HCN2: variants seen among roughly 807,000 people sequenced by gnomAD.
HCN2 encodes hyperpolarization activated cyclic nucleotide gated potassium and sodium channel 2, also known as potassium/sodium hyperpolarization-activated cyclic nucleotide-gated channel 2.
Under a neutral mutation model 52.3 loss-of-function variants are expected in HCN2, and 20 were observed. The observed-to-expected ratio is 0.38, with a 90% CI of 0.27 to 0.56. The LOEUF is 0.56. Ranked by LOEUF, HCN2 falls within the 20% of genes least tolerant of loss-of-function variation. The probability of loss-of-function intolerance (pLI) is 0.71; values close to 1 mark genes in which losing one functional copy is unlikely to be tolerated. For missense variants in HCN2, 981 were observed against 1,207.7 expected (o/e 0.81, Z 2.78); for synonymous variants, 694 against 537.0 (o/e 1.29, Z -4.04).
In HCN2 at chr19:614,022, C is replaced by A. The variant is rs1264405890; in HGVS notation, c.1990+6C>A. ...CGACCGCCTGGACCGCATCGGTGAG[C>A]GGGCCGGGGGCGTGGCCGGGGCGGG... is the stretch of plus-strand genomic sequence containing the variant. On this transcript the variant is annotated splice_donor_region_variant and intron_variant, in intron 7 of 7. Transcript: ENST00000251287. 4.6e-6 allele frequency: 6 copies of A among 1,299,470 alleles called. No homozygotes were observed. Among genetic ancestry groups the A allele is most frequent in the South Asian group, 1.4e-5 (1 of 73,024 alleles). The allele number at this position is 1,299,470 out of a possible 1,614,324, so 80.5% of individuals were successfully genotyped here. A position where few individuals can be genotyped will look rare whatever the true frequency, so the allele number is the denominator to read the frequency against.
intron 1 of HCN2, among the ~76,000 whole-genome samples, chr19:597,789 G>GT (rs532213179): frequency 1.4e-5 from 2 of 146,398 alleles, no homozygotes; most frequent in African/African-American, 2.6e-5. Context: ...TGGTTTCTAG[G>GT]CCCTCCTGGT....
Position 615,938 on chromosome 19 carries a change from G to A in HCN2, c.2134G>A (p.Gly712Ser). ...GCAGGCCGAGCTGGGTCAGCGCGTG[G>A]GCCTCTTCCCGCCGCCGCCGCCGCC... ...VQQAELGQRV[G>S]LFPPPPPPPQ... Residue 712 changes from glycine (G) to serine (S), a missense_variant, in exon 8 of 8, where the codon GGC (glycine) becomes AGC (serine). Gly to Ser is a moderately conservative substitution (Grantham distance 56). This residue lies in a region of HCN2 where 368 missense variants were observed against 314.8 expected (regional missense o/e 1.17). Transcript: ENST00000251287. 6 of 1,609,464 alleles carry A rather than the reference G, an allele frequency of 3.7e-6. No homozygotes were observed. The highest frequency in any genetic ancestry group is 5.1e-6 in the Non-Finnish European group (6 of 1,179,020).
Position 610,355 on chromosome 19 carries a change from A to G in HCN2, c.1534A>G (p.Met512Val). ...CTATGAGCACCGTTACCAGGGCAAG[A>G]TGTTTGACGAGGACAGCATCCTGGG... is the stretch of plus-strand genomic sequence containing the variant. ...DYYEHRYQGK[M>V]FDEDSILGEL... The change falls in exon 5 of 8, where the codon ATG (methionine) becomes GTG (valine). Residue 512 changes from methionine to valine, a missense_variant. Coordinates refer to ENST00000251287, the MANE Select transcript of HCN2 (RefSeq NM_001194.4). The G allele has an allele frequency of 6.2e-7, 1 of 1,613,734 alleles. No individual in the cohort carries two copies. Among genetic ancestry groups the G allele is most frequent in the East Asian group, 2.2e-5 (1 of 44,854 alleles).
intron 5 of HCN2, among the ~76,000 whole-genome samples, chr19:611,091 C>T (rs543356492): frequency 1.1e-4 from 17 of 149,504 alleles, no homozygotes; most frequent in South Asian, 4.1e-4. Context: ...AGGGCCCACC[C>T]GGTTCCTCGT....
chr19:599,847 C>CGTGTGTGTGTGTGTGT (rs34793549), intron 1 of HCN2, among the ~76,000 whole-genome samples: 42 of 133,404 alleles, frequency 3.1e-4, no homozygotes, highest in Non-Finnish European at 3.3e-4. Flanking sequence ...GAAGGGGTCC[C>CGTGTGTGTGTGTGTGT]GTGTGTGTGT....
At chr19:594,768 G>A (rs1982973240) in intron 1 of HCN2, among the ~76,000 whole-genome samples, 1 of 152,290 alleles carries the variant, frequency 6.6e-6, no homozygotes, top group East Asian at 1.9e-4. Flanking sequence ...CCCAGCGTGT[G>A]CAGGATGGTG....
At position 616,939 on chromosome 19, in the gene HCN2, G is replaced by T; in HGVS notation, c.*465G>T. ...AATAACCGGCCCGGCCCCCGTCCGC[G>T]CGCGTCCCCCGGTGACCTCGGGGAG... On this transcript the variant is annotated 3_prime_UTR_variant, in exon 8 of 8. Coordinates refer to ENST00000251287, the MANE Select transcript of HCN2 (RefSeq NM_001194.4). 5.3e-6 allele frequency: 2 copies of T among 379,102 alleles called. No homozygotes were observed. The highest frequency in any genetic ancestry group is 4.9e-5 in the South Asian group (2 of 40,744). The allele number at this position is 379,102 out of a possible 1,614,324, so 23.5% of individuals were successfully genotyped here.
At chr19:614,677 G>A (rs1453890636) in intron 7 of HCN2, among the ~76,000 whole-genome samples, 1 of 152,142 alleles carries the variant, frequency 6.6e-6, no homozygotes, top group Non-Finnish European at 1.5e-5. Flanking sequence ...GGGCCCAGTG[G>A]GCGGCAGGGA....
chr19:604,306 A>G (rs1346685204), intron 2 of HCN2, among the ~76,000 whole-genome samples: 2 of 110,988 alleles, frequency 1.8e-5, no homozygotes, highest in Non-Finnish European at 1.9e-5. Flanking sequence ...GGGCTATGAG[A>G]GATCTGGGTG....
rs1983994847 is a variant in HCN2, at chr19:617,045, C to T, written c.*571C>T. On this transcript the variant is annotated 3_prime_UTR_variant, in exon 8 of 8. Transcript: ENST00000251287. Reference sequence around the variant, plus strand: ...GCGCGGGGGGGAGGCTGGGGTCCCGCCGCCGTGATGAATGTACTGACGAGC... The same window carrying T: ...GCGCGGGGGGGAGGCTGGGGTCCCGTCGCCGTGATGAATGTACTGACGAGC... 3 of 547,264 alleles carry T rather than the reference C, an allele frequency of 5.5e-6. No individual in the cohort carries two copies. The highest frequency in any genetic ancestry group is 9.9e-6 in the Non-Finnish European group (3 of 302,206). 33.9% of individuals were successfully genotyped at this position (547,264 alleles called of 1,614,324 possible). A position where few individuals can be genotyped will look rare whatever the true frequency, so the allele number is the denominator to read the frequency against.
At chr19:612,724 C>T (rs1240079563) in intron 5 of HCN2, among the ~76,000 whole-genome samples, 2 of 140,698 alleles carry the variant, frequency 1.4e-5, no homozygotes, top group Admixed American at 7.2e-5. Context: ...CTTATTTTTC[C>T]CCCATTTTCT....
intron 1 of HCN2, among the ~76,000 whole-genome samples, chr19:602,495 C>A (rs1983239495): frequency 6.6e-6 from 1 of 152,190 alleles, no homozygotes; most frequent in Admixed American, 6.5e-5. Context: ...CTTCCTGTGG[C>A]CCCTGTGGAG....
intron 1 of HCN2, among the ~76,000 whole-genome samples, chr19:601,345 C>T (rs1260867837): frequency 6.6e-6 from 1 of 152,288 alleles, no homozygotes; most frequent in Non-Finnish European, 1.5e-5. Flanking sequence ...TCTCACTGAA[C>T]GTGACGTCCT....
At position 616,477 on chromosome 19, in the gene HCN2, C is replaced by T; in HGVS notation, c.*3C>T. 1 of 1,221,758 alleles carries T rather than the reference C, an allele frequency of 8.2e-7. No homozygotes were observed. The highest frequency in any genetic ancestry group is 1.0e-6 in the Non-Finnish European group (1 of 978,928). 75.7% of individuals were successfully genotyped at this position (1,221,758 alleles called of 1,614,324 possible). On this transcript the variant is annotated 3_prime_UTR_variant, in exon 8 of 8. Coordinates refer to ENST00000251287, the MANE Select transcript of HCN2 (RefSeq NM_001194.4). ...CGCGCCTCTCGTCCAACTTGTGACC[C>T]TCGCCGACCGCCCCGCGGGCCCAGG...
chr19:594,943 G>A (rs1413384260), intron 1 of HCN2, among the ~76,000 whole-genome samples: 1 of 152,160 alleles, frequency 6.6e-6, no homozygotes, highest in African/African-American at 2.4e-5. Context: ...GCTCATGCCT[G>A]TAATGCCAGT....
At position 607,815 on chromosome 19, in the gene HCN2, C is replaced by T; in HGVS notation, c.1219-149C>T. On this transcript the variant is annotated intron_variant, in intron 3 of 7. Transcript: ENST00000251287. ...CAAGTGTGCAAACCATGTCATCTAC[C>T]TGGGTCTCCATTTCTCTTGGTTACC... 3 of 623,620 alleles carry T rather than the reference C, an allele frequency of 4.8e-6. No homozygotes were observed. The South Asian group carries it at 5.6e-5, about 12-fold the overall frequency. The allele number at this position is 623,620 out of a possible 1,614,324, so 38.6% of individuals were successfully genotyped here. A position where few individuals can be genotyped will look rare whatever the true frequency, so the allele number is the denominator to read the frequency against.
Position 617,026 on chromosome 19 carries a change from G to A in HCN2, c.*552G>A, listed in dbSNP as rs957543884. On this transcript the variant is annotated 3_prime_UTR_variant, in exon 8 of 8. Transcript: ENST00000251287. Reference sequence around the variant, plus strand: ...GCAGGCCTGGCTGCGCAGGGCGCGGGGGGGAGGCTGGGGTCCCGCCGCCGT... The same window carrying A: ...GCAGGCCTGGCTGCGCAGGGCGCGGAGGGGAGGCTGGGGTCCCGCCGCCGT... 1.9e-6 allele frequency: 1 copy of A among 526,916 alleles called. No individual in the cohort carries two copies. Among genetic ancestry groups the A allele is most frequent in the Non-Finnish European group, 3.5e-6 (1 of 288,728 alleles). 32.6% of individuals were successfully genotyped at this position (526,916 alleles called of 1,614,324 possible).
chr19:610,791 G>T (rs897878867), intron 5 of HCN2, among the ~76,000 whole-genome samples: 31 of 152,298 alleles, frequency 2.0e-4, no homozygotes, highest in African/African-American at 7.2e-4. Flanking sequence ...GTGACCCTGG[G>T]CAAGTTTCCC....
At chr19:610,446 C>A in intron 5 of HCN2, 41 bp downstream of exon 5, 1 of 1,581,872 alleles carries the variant, frequency 6.3e-7, no homozygotes, top group South Asian at 1.1e-5. Context: ...GCCTCCGGTA[C>A]AGGGCCGGCC....
Sources: allele counts gnomAD v4.1 joint callset (sites outside exome capture counted in the v4.1 genomes callset), GRCh38; gene constraint gnomAD v4.1.1; regional missense constraint gnomAD v4.1.1; transcripts MANE v1.5; gene names NCBI Gene and HGNC (gene_info 2026-07-23, HGNC 2026-07-21).